The following NLN variants were observed in gnomAD, a reference collection of about 807,000 sequenced individuals.
NLN encodes the protein neurolysin.
A neutral mutation model predicts 79.9 loss-of-function variants in NLN; 64 were observed. The ratio of observed to expected loss-of-function variants is 0.80; its 90% CI spans 0.65 to 0.99. The LOEUF (loss-of-function observed/expected upper bound fraction) is 0.99. Ranked by LOEUF, NLN falls within the 50% of genes least tolerant of loss-of-function variation. The pLI is 0.00. For missense variants in NLN, 835 were observed against 858.7 expected, an observed-to-expected ratio of 0.97 and a Z score of 0.34; for synonymous variants, 267 against 296.6, an observed-to-expected ratio of 0.90 and a Z score of 1.02.
rs1760873318 is a variant in NLN, at chr5:65,824,441, C to T, written c.*1526C>T. ...TTTGCCCAGCCCTTCTCTTCCCACA[C>T]ACTCACTCAATGTCACCCCCTTCTA... is the stretch of plus-strand genomic sequence containing the variant. On this transcript the variant is annotated 3_prime_UTR_variant, in exon 13 of 13. Coordinates refer to ENST00000380985, the MANE Select transcript of NLN (RefSeq NM_020726.5). The T allele has an allele frequency of 6.6e-6, 1 of 152,166 alleles. No individual in the cohort carries two copies. The highest frequency in any genetic ancestry group is 1.5e-5 in the Non-Finnish European group (1 of 68,052). 9.4% of individuals were successfully genotyped at this position (152,166 alleles called of 1,614,324 possible). A position where few individuals can be genotyped will look rare whatever the true frequency, so the allele number is the denominator to read the frequency against.
chr5:65,796,468 T>A (rs368588858), intron 9 of NLN, among the ~76,000 whole-genome samples: 1 of 152,362 alleles, frequency 6.6e-6, no homozygotes, highest in East Asian at 1.9e-4. Flanking sequence ...GTTTCTCTCT[T>A]GAAACAGTAG....
At position 65,758,768 on chromosome 5, in the gene NLN, G is replaced by C; in HGVS notation, c.243G>C (p.Glu81Asp). 1.2e-6 allele frequency: 2 copies of C among 1,613,788 alleles called. No homozygotes were observed. Among genetic ancestry groups the C allele is most frequent in the Non-Finnish European group, 1.7e-6 (2 of 1,179,746 alleles). The change falls in exon 2 of 13, where the codon GAG becomes GAC. Residue 81 changes from glutamate (E) to aspartate (D), a missense_variant. By Grantham distance (45) the Glu-to-Asp change is conservative. Coordinates refer to ENST00000380985, the MANE Select transcript of NLN (RefSeq NM_020726.5). ...VYDAVGMLGI[E>D]EVTYENCLQA... ...ATGCTGTTGGAATGCTCGGTATTGAGGAAGTAACTTACGAGAACTGTCTGC... is the reference window on the plus strand; with the variant it reads ...ATGCTGTTGGAATGCTCGGTATTGACGAAGTAACTTACGAGAACTGTCTGC...
At chr5:65,738,988 T>TTG (rs1758807635) in intron 1 of NLN, among the ~76,000 whole-genome samples, 3 of 118,454 alleles carry the variant, frequency 2.5e-5, no homozygotes, top group Non-Finnish European at 5.3e-5. Flanking sequence ...TATTATATAT[T>TTG]TATATATATT....
At chr5:65,780,155 C>T in intron 4 of NLN, 24 bp from the exon 5 acceptor site, 1 of 914,190 alleles carries the variant, frequency 1.1e-6, no homozygotes, top group Non-Finnish European at 1.8e-6. Flanking sequence ...TTGCTAATGC[C>T]CTGTATTTTT....
chr5:65,801,378 T>TA (rs1174217172), intron 9 of NLN, among the ~76,000 whole-genome samples: 1 of 152,252 alleles, frequency 6.6e-6, no homozygotes, highest in Non-Finnish European at 1.5e-5. Context: ...TGCTGTTTTG[T>TA]ATAAGATCCA....
At chr5:65,766,974 G>A (rs1203017510) in intron 3 of NLN, among the ~76,000 whole-genome samples, 3 of 152,238 alleles carry the variant, frequency 2.0e-5, no homozygotes, top group Non-Finnish European at 2.9e-5. Flanking sequence ...GGCCTTGGGT[G>A]GCTCTGCCTC....
At position 65,809,532 on chromosome 5, in the gene NLN, TA is replaced by T; in HGVS notation, c.1546del (p.Ser516AlafsTer10). ...CTTTCTAGACTGATTTTGCACGATT[TA>T]GCGGAACAAATGTGGAAACTGACTT... ...ICAQTDFARF[S>X]GTNVETDFVE... On this transcript the variant is annotated frameshift_variant, in exon 10 of 13. Coordinates refer to ENST00000380985, the MANE Select transcript of NLN (RefSeq NM_020726.5). LOFTEE classifies it high-confidence loss of function. The T allele has an allele frequency of 1.2e-6, 2 of 1,603,064 alleles. No homozygotes were observed. Among genetic ancestry groups the T allele is most frequent in the Non-Finnish European group, 1.7e-6 (2 of 1,177,054 alleles).
intron 3 of NLN, among the ~76,000 whole-genome samples, chr5:65,764,446 G>C (rs1398939347): frequency 6.6e-6 from 1 of 152,230 alleles, no homozygotes; most frequent in Non-Finnish European, 1.5e-5. Flanking sequence ...AGAATCACTT[G>C]AACCCAGGAG....
At position 65,738,960 on chromosome 5, in the gene NLN, T is replaced by TAAATATATA. The variant is rs1758800918; in HGVS notation, c.41+16546_41+16547insAAATATATA. ...TATTTTTTATATATGTTTATATATA[T>TAAATATATA]GTATATATAAATATATATATTATAT... On this transcript the variant is annotated intron_variant, in intron 1 of 12. Coordinates refer to ENST00000380985, the MANE Select transcript of NLN (RefSeq NM_020726.5). Among the ~76,000 whole-genome samples the TAAATATATA allele has an allele frequency of 3.4e-3, 304 of 88,960 alleles. 2 individuals are homozygous for TAAATATATA. Among genetic ancestry groups the TAAATATATA allele is most frequent in the African/African-American group, 0.013 (282 of 21,494 alleles). The allele number at this position is 88,960 out of a possible 152,430, so 58.4% of individuals were successfully genotyped here.
chr5:65,803,854 G>A (rs1011035245), intron 9 of NLN, among the ~76,000 whole-genome samples: 1 of 152,240 alleles, frequency 6.6e-6, no homozygotes, highest in Non-Finnish European at 1.5e-5. Flanking sequence ...GCTCCATGGA[G>A]CGCACAGCCC....
At chr5:65,756,495 A>G (rs193223772) in intron 1 of NLN, among the ~76,000 whole-genome samples, 6 of 152,304 alleles carry the variant, frequency 3.9e-5, no homozygotes, top group Non-Finnish European at 7.4e-5. Flanking sequence ...AGCTCTAAGA[A>G]CAACTTCTCT....
chr5:65,723,911 T>C (rs1487175106), intron 1 of NLN, among the ~76,000 whole-genome samples: 1 of 151,068 alleles, frequency 6.6e-6, no homozygotes, highest in African/African-American at 2.4e-5. Flanking sequence ...GAGCTTCTGT[T>C]TGTGTGGTAT....
chr5:65,777,922 T>C (rs1759716984), intron 4 of NLN, among the ~76,000 whole-genome samples: 1 of 152,258 alleles, frequency 6.6e-6, no homozygotes, highest in Non-Finnish European at 1.5e-5. Flanking sequence ...GTTAACCTCA[T>C]GGTGACAGAC....
At chr5:65,779,646 CTATTTATTGTG>C (rs1439714632) in intron 4 of NLN, among the ~76,000 whole-genome samples, 1 of 152,148 alleles carries the variant, frequency 6.6e-6, no homozygotes, top group Non-Finnish European at 1.5e-5. Context: ...CACTCAGAAA[CTATTTATTGTG>C]TATGTACTAT....
intron 2 of NLN, among the ~76,000 whole-genome samples, chr5:65,761,083 T>C (rs1306357613): frequency 6.6e-6 from 1 of 152,130 alleles, no homozygotes; most frequent in African/African-American, 2.4e-5. Context: ...GCACTGGGCG[T>C]CAGCATTGTC....
intron 12 of NLN, among the ~76,000 whole-genome samples, chr5:65,817,786 A>C (rs1271713862): frequency 2.0e-5 from 3 of 152,246 alleles, no homozygotes; most frequent in Non-Finnish European, 4.4e-5. Context: ...AAACATGAAG[A>C]GTCTTGGTTA....
At chr5:65,738,015 C>T (rs182117942) in intron 1 of NLN, among the ~76,000 whole-genome samples, 2 of 151,886 alleles carry the variant, frequency 1.3e-5, no homozygotes, top group Admixed American at 6.6e-5. Flanking sequence ...GTAGTCCCAG[C>T]TACTTGGGAA....
In NLN at chr5:65,763,038, A is replaced by G. The variant is rs749588356; in HGVS notation, c.380A>G (p.Lys127Arg). 6 of 1,613,958 alleles carry G rather than the reference A, an allele frequency of 3.7e-6. No individual in the cohort carries two copies. Among genetic ancestry groups the G allele is most frequent in the Admixed American group, 1.7e-5 (1 of 60,002 alleles). ...EVRAASTEAD[K>R]RLSRFDIEMS... ...CGAGCAGCAAGTACAGAAGCAGACA[A>G]AAGACTTTCTCGTTTTGATATTGAG... Residue 127 changes from lysine to arginine, a missense_variant, in exon 3 of 13, where the codon AAA becomes AGA. Transcript: ENST00000380985.
At chr5:65,723,814 C>CAAAAAAAAAAAAAAA (rs760572199) in intron 1 of NLN, among the ~76,000 whole-genome samples, 16 of 55,314 alleles carry the variant, frequency 2.9e-4, no homozygotes, top group African/African-American at 7.0e-4. Context: ...GACTCCGTCT[C>CAAAAAAAAAAAAAAA]AAAAAAAAAA....
Sources: gnomAD v4.1 joint callset for allele counts (sites outside exome capture counted in the v4.1 genomes callset) on GRCh38, gnomAD v4.1.1 for gene constraint, MANE v1.5 for transcripts, NCBI Gene and HGNC (gene_info 2026-07-23, HGNC 2026-07-21) for gene names.